UPRT: variants seen among roughly 807,000 people sequenced by gnomAD.
UPRT encodes the protein uracil phosphoribosyltransferase homolog, also known as RP11-311P8.3.
In UPRT, 5 loss-of-function variants were observed where a neutral mutation model predicts 22.6. That is an observed-to-expected ratio of 0.22 (90% CI 0.12 to 0.47). UPRT has a LOEUF of 0.47. Ranked by LOEUF, UPRT falls within the 20% of genes least tolerant of loss-of-function variation. The pLI is 0.99. For synonymous variants in UPRT, 77 were observed against 87.7 expected (o/e 0.88, Z 0.68); for missense variants, 181 against 239.9 (o/e 0.75, Z 1.62).
intron 4 of UPRT, among the ~76,000 whole-genome samples, chrX:75,188,397 T>C (rs962502196): frequency 8.9e-6 from 1 of 112,058 alleles, no homozygotes; most frequent in African/African-American, 3.2e-5. Context: ...TCTCCAGCTG[T>C]GTGCTGGGAG....
chrX:75,192,709 C>G (rs762526253), intron 4 of UPRT, among the ~76,000 whole-genome samples: 3 of 112,033 alleles, frequency 2.7e-5, no homozygotes, highest in African/African-American at 9.7e-5. Flanking sequence ...CTTCACCATT[C>G]TGTAATACCC....
upstream of UPRT, among the ~76,000 whole-genome samples, chrX:75,271,711 C>T (rs887491607): frequency 9.0e-6 from 1 of 111,641 alleles, no homozygotes; most frequent in African/African-American, 3.3e-5. Context: ...AACAGACAAC[C>T]CATACAGTGG....
At chrX:75,227,024 G>C (rs770275263) in intron 4 of UPRT, among the ~76,000 whole-genome samples, 3 of 110,893 alleles carry the variant, frequency 2.7e-5, no homozygotes, top group South Asian at 3.9e-4. Context: ...TTGCAAATTG[G>C]GCACAAACAA....
At chrX:75,216,149 A>G (rs1429996033) in intron 4 of UPRT, among the ~76,000 whole-genome samples, 2 of 112,357 alleles carry the variant, frequency 1.8e-5, no homozygotes, top group Admixed American at 1.9e-4. Flanking sequence ...CTAACAATAC[A>G]GAAAAATAAT....
chrX:75,231,998 G>C (rs1857125), intron 4 of UPRT, among the ~76,000 whole-genome samples: 3 of 111,390 alleles, frequency 2.7e-5, no homozygotes, highest in African/African-American at 6.5e-5. Context: ...CGCAGAAGCC[G>C]GGTGATTTCT....
intron 4 of UPRT, among the ~76,000 whole-genome samples, chrX:75,188,887 C>G (rs761359687): frequency 9.0e-6 from 1 of 111,708 alleles, no homozygotes; most frequent in African/African-American, 3.3e-5. Context: ...TCGGCTCGCA[C>G]GCGCACCCAC....
intron 4 of UPRT, among the ~76,000 whole-genome samples, chrX:75,259,907 C>T: frequency 8.9e-6 from 1 of 112,113 alleles, no homozygotes; most frequent in South Asian, 3.7e-4. Context: ...TAGCAGATCT[C>T]TCTGCAGGAA....
At chrX:75,241,018 G>A (rs746764581) in intron 4 of UPRT, among the ~76,000 whole-genome samples, 2 of 110,404 alleles carry the variant, frequency 1.8e-5, no homozygotes, top group South Asian at 7.5e-4. Flanking sequence ...ATTGGCCTAG[G>A]CAAAAAATTT....
intron 4 of UPRT, among the ~76,000 whole-genome samples, chrX:75,297,947 CTGT>C (rs2082731571): frequency 9.5e-6 from 1 of 104,969 alleles, no homozygotes; most frequent in East Asian, 3.0e-4. Flanking sequence ...GTTTTTATTT[CTGT>C]TGTTGGGCTA....
At position 75,246,622 on chromosome X, in the gene UPRT, T is replaced by G. The variant is rs1280072118; in HGVS notation, c.-446-44402T>G. Among the ~76,000 whole-genome samples, 6 of 111,539 alleles carry G rather than the reference T, an allele frequency of 5.4e-5. No homozygotes were observed. The Admixed American group carries it at 5.7e-4, about 11-fold the overall frequency. On this transcript the variant is annotated intron_variant, in intron 4 of 13. Transcript: ENST00000652605. ...TATAATCCTTTGGGTATATACCCAG[T>G]AATGGGATGGCTGGGTCAAATGGTA...
chrX:75,203,674 G>T (rs1004217742), intron 4 of UPRT, among the ~76,000 whole-genome samples: 2 of 110,502 alleles, frequency 1.8e-5, no homozygotes, highest in Non-Finnish European at 1.9e-5. Context: ...CAGGGTCTGG[G>T]GGGGCATGGG....
chrX:75,198,203 C>G lies in UPRT; in HGVS notation c.-447+30324C>G, dbSNP rs759767523. ...TACTGATATTTAAACAATATGGAGG[C>G]ATCTCCCAGACGTTATGTTGAGTGA... On this transcript the variant is annotated intron_variant, in intron 4 of 13. Coordinates refer to the UPRT transcript ENST00000652605. Among the ~76,000 whole-genome samples, 5 of 112,616 alleles carry G rather than the reference C, an allele frequency of 4.4e-5. No individual in the cohort carries two copies. The East Asian group carries it at 1.4e-3, about 31-fold the overall frequency.
intron 4 of UPRT, among the ~76,000 whole-genome samples, chrX:75,187,165 T>C (rs1001997316): frequency 2.7e-5 from 3 of 111,953 alleles, no homozygotes; most frequent in Non-Finnish European, 5.6e-5. Flanking sequence ...TGGTACCGGT[T>C]GTTTCTTTCC....
At chrX:75,218,694 A>C (rs1260606135) in intron 4 of UPRT, among the ~76,000 whole-genome samples, 1 of 98,162 alleles carries the variant, frequency 1.0e-5, no homozygotes, top group Non-Finnish European at 2.0e-5. Flanking sequence ...TACACCATGG[A>C]ATACTATGCA....
intron 4 of UPRT, among the ~76,000 whole-genome samples, chrX:75,181,193 A>C: frequency 9.1e-6 from 1 of 110,205 alleles, no homozygotes; most frequent in East Asian, 2.9e-4. Flanking sequence ...TGGGCTTTCT[A>C]TTCTGCTTCA....
rs558868392 is a variant in UPRT at position 75,169,443 on chromosome X, G to GT, written c.-447+1570dup. Among the ~76,000 whole-genome samples the GT allele has an allele frequency of 1.3e-4, 15 of 111,294 alleles. No individual in the cohort carries two copies. In the South Asian group the frequency reaches 5.7e-3, roughly 42 times the overall value. On this transcript the variant is annotated intron_variant, in intron 4 of 13. Coordinates refer to the UPRT transcript ENST00000652605. ...ACACCAACATCTATTATTTTTTTTG[G>GT]TTTTTTAATTATGGCCATTCTTGTG... is the stretch of plus-strand genomic sequence containing the variant.
At chrX:75,218,229 A>C (rs1183599812) in intron 4 of UPRT, among the ~76,000 whole-genome samples, 1 of 111,248 alleles carries the variant, frequency 9.0e-6, no homozygotes, top group African/African-American at 3.3e-5. Context: ...TGGGTGAAGG[A>C]CATGAACAGA....
At chrX:75,173,559 G>A (rs974428559) in intron 4 of UPRT, among the ~76,000 whole-genome samples, 3 of 112,768 alleles carry the variant, frequency 2.7e-5, no homozygotes, top group Non-Finnish European at 5.6e-5. Context: ...CACCGGGGCT[G>A]CAGGTGGAGC....
Position 75,211,418 on chromosome X carries a change from G to A in UPRT, c.-447+43539G>A, listed in dbSNP as rs781142421. Among the ~76,000 whole-genome samples the A allele has an allele frequency of 2.8e-4, 31 of 111,024 alleles. 1 individual carries two copies. The highest frequency in any genetic ancestry group is 5.5e-4 in the Non-Finnish European group (29 of 52,902). ...AGAGGAGACCTCTCACCCAGAGTTG[G>A]GATTTTCTGGTGAACCATCAGAAAT... On this transcript the variant is annotated intron_variant, in intron 4 of 13. Transcript: ENST00000652605.
Sources: allele counts gnomAD v4.1 joint callset (sites outside exome capture counted in the v4.1 genomes callset), GRCh38; gene constraint gnomAD v4.1.1; transcripts MANE v1.5; gene names NCBI Gene and HGNC (gene_info 2026-07-23, HGNC 2026-07-21).